Variants in GRK5 observed in about 807,000 individuals in gnomAD.
GRK5 encodes g protein-coupled receptor kinase GRK5.
In GRK5, 40 loss-of-function variants were observed where a neutral mutation model predicts 78.4. The observed-to-expected ratio is 0.51, with a 90% CI of 0.40 to 0.66. The LOEUF (loss-of-function observed/expected upper bound fraction) is 0.66. Among genes scored for constraint, GRK5 ranks in the 30% least tolerant of loss-of-function variants. The pLI is 0.00. For synonymous variants in GRK5, 289 were observed against 296.8 expected, an observed-to-expected ratio of 0.97 and a Z score of 0.27; for missense variants, 598 against 759.9, an observed-to-expected ratio of 0.79 and a Z score of 2.50.
At chr10:119,333,753 C>T (rs370837019) in intron 2 of GRK5, 8 of 532,332 alleles carry the variant, frequency 1.5e-5, no homozygotes, top group South Asian at 2.8e-5. Context: ...GCACTGAAAA[C>T]ATGCTGTCCA....
intron 2 of GRK5, among the ~76,000 whole-genome samples, chr10:119,344,886 C>CTTCCTTCCTTCCTTCT: frequency 7.6e-6 from 1 of 130,756 alleles, no homozygotes; most frequent in African/African-American, 3.0e-5. Flanking sequence ...TCCTTCCTTC[C>CTTCCTTCCTTCCTTCT]TTCCTTCCTT....
intron 8 of GRK5, among the ~76,000 whole-genome samples, chr10:119,435,195 C>T (rs1852894825): frequency 6.6e-6 from 1 of 152,224 alleles, no homozygotes; most frequent in Non-Finnish European, 1.5e-5. Flanking sequence ...CTGTGAAGAC[C>T]TCTGACATGC....
At chr10:119,333,566 T>C (rs1381598642) in intron 2 of GRK5, 2 of 342,908 alleles carry the variant, frequency 5.8e-6, no homozygotes, top group Non-Finnish European at 1.2e-5. Flanking sequence ...TGGTCTGGAG[T>C]GACACCTTGC....
rs1852372928 is a variant in GRK5 at position 119,412,885 on chromosome 10, G to C, written c.340-10281G>C. Among the ~76,000 whole-genome samples, 1 of 152,184 alleles carries C rather than the reference G, an allele frequency of 6.6e-6. No individual in the cohort carries two copies. The highest frequency in any genetic ancestry group is 6.5e-5 in the Admixed American group (1 of 15,278). ...CCCCACCCCAGACCCCGTCGCTGCA[G>C]CTGGGTGAGCAGGGCTGAGTGAGCT... On this transcript the variant is annotated intron_variant, in intron 4 of 15. Transcript: ENST00000392870. The surrounding 1 kb of genome is among the most constrained non-coding windows in gnomAD (Gnocchi z 4.3).
intron 1 of GRK5, among the ~76,000 whole-genome samples, chr10:119,263,209 G>A (rs1476699893): frequency 2.0e-5 from 3 of 152,156 alleles, no homozygotes; most frequent in Non-Finnish European, 4.4e-5. Flanking sequence ...GTTTCACCAT[G>A]TTGGCCAGGC....
intron 1 of GRK5, among the ~76,000 whole-genome samples, chr10:119,296,452 G>A (rs1055853863): frequency 1.3e-5 from 2 of 152,224 alleles, no homozygotes; most frequent in African/African-American, 4.8e-5. Context: ...ACTGGCTGGT[G>A]AACAGGCACT....
In GRK5 at chr10:119,246,345, A is replaced by G. The variant is rs1300770613; in HGVS notation, c.52+38376A>G. Among the ~76,000 whole-genome samples, 5 of 152,248 alleles carry G rather than the reference A, an allele frequency of 3.3e-5. No homozygotes were observed. In the East Asian group the frequency reaches 5.8e-4, roughly 18 times the overall value. Reference sequence around the variant, plus strand: ...GGGAATAATGACAAGAAAAAAGTCTATATGTGTTCAGTACAGACGGCTTTT... The same window carrying G: ...GGGAATAATGACAAGAAAAAAGTCTGTATGTGTTCAGTACAGACGGCTTTT... On this transcript the variant is annotated intron_variant, in intron 1 of 15. Transcript: ENST00000392870.
chr10:119,210,657 C>T (rs1305262058), intron 1 of GRK5, among the ~76,000 whole-genome samples: 1 of 152,164 alleles, frequency 6.6e-6, no homozygotes, highest in Non-Finnish European at 1.5e-5. Context: ...AGATTCTTGT[C>T]AGTGGTTACA....
chr10:119,252,718 T>C (rs928824002), intron 1 of GRK5, among the ~76,000 whole-genome samples: 1 of 152,188 alleles, frequency 6.6e-6, no homozygotes, highest in African/African-American at 2.4e-5. Context: ...TAAATTTGCT[T>C]TGAGTCCTGA....
chr10:119,394,217 T>TGTGTTTGTG (rs1564916766), intron 3 of GRK5, among the ~76,000 whole-genome samples: 44 of 76,674 alleles, frequency 5.7e-4, no homozygotes, highest in Admixed American at 6.4e-4. Flanking sequence ...TGTGTGTGGG[T>TGTGTTTGTG]ACGTGTGGGT....
intron 2 of GRK5, among the ~76,000 whole-genome samples, chr10:119,380,460 A>G (rs1314650246): frequency 3.3e-5 from 5 of 152,212 alleles, no homozygotes; most frequent in African/African-American, 1.2e-4. Context: ...ACTGGCTTAC[A>G]TTACAGGCCT....
intron 3 of GRK5, among the ~76,000 whole-genome samples, chr10:119,395,355 C>T (rs1372193190): frequency 6.6e-6 from 1 of 152,188 alleles, no homozygotes; most frequent in Non-Finnish European, 1.5e-5. Context: ...GTGCCGCCTG[C>T]GTGCTCCCTT....
chr10:119,349,151 T>TG lies in GRK5; in HGVS notation c.148+22541dup, dbSNP rs1328748272. Among the ~76,000 whole-genome samples, 4 of 152,296 alleles carry TG rather than the reference T, an allele frequency of 2.6e-5. No individual in the cohort carries two copies. The East Asian group carries it at 5.8e-4, about 22-fold the overall frequency. ...AGGGAAGAACTCGTGGCCAGTGACC[T>TG]GCTGGAGAAGAGGCAGGAGGAAGGA... On this transcript the variant is annotated intron_variant, in intron 2 of 15. Coordinates refer to ENST00000392870, the MANE Select transcript of GRK5 (RefSeq NM_005308.3).
At chr10:119,240,053 C>T (rs1207980839) in intron 1 of GRK5, among the ~76,000 whole-genome samples, 1 of 152,122 alleles carries the variant, frequency 6.6e-6, no homozygotes, top group Non-Finnish European at 1.5e-5. Flanking sequence ...ACTGCTGGGT[C>T]AAATGGTATT....
intron 13 of GRK5, among the ~76,000 whole-genome samples, chr10:119,449,223 A>G (rs1853222881): frequency 6.6e-6 from 1 of 152,192 alleles, no homozygotes. Flanking sequence ...GCAATTTGCA[A>G]ATGCTACAAA....
At chr10:119,220,530 T>C (rs1848640399) in intron 1 of GRK5, among the ~76,000 whole-genome samples, 1 of 152,134 alleles carries the variant, frequency 6.6e-6, no homozygotes, top group Non-Finnish European at 1.5e-5. Flanking sequence ...CTAGTCTTTT[T>C]GGTAGCTTAA....
intron 2 of GRK5, among the ~76,000 whole-genome samples, chr10:119,357,736 C>T (rs1221074535): frequency 1.3e-5 from 2 of 152,152 alleles, no homozygotes; most frequent in Admixed American, 6.5e-5. Flanking sequence ...TCACTCCCCA[C>T]TTCTTGTTCT....
chr10:119,374,826 T>A (rs986838241), intron 2 of GRK5, among the ~76,000 whole-genome samples: 1 of 152,038 alleles, frequency 6.6e-6, no homozygotes, highest in Non-Finnish European at 1.5e-5. Context: ...GTGTGGCACC[T>A]CCCCTTCAAC....
chr10:119,348,763 G>A (rs1327881313), intron 2 of GRK5, among the ~76,000 whole-genome samples: 2 of 152,226 alleles, frequency 1.3e-5, no homozygotes, highest in African/African-American at 2.4e-5. Context: ...GGCCACCAGT[G>A]AGTGCTTTGG....
Sources: gnomAD v4.1 joint callset for allele counts (sites outside exome capture counted in the v4.1 genomes callset) on GRCh38, gnomAD v4.1.1 for gene constraint, Gnocchi (gnomAD v3.1) non-coding constraint, MANE v1.5 for transcripts, NCBI Gene and HGNC (gene_info 2026-07-23, HGNC 2026-07-21) for gene names.